SLC25A18: variants seen among roughly 807,000 people sequenced by gnomAD.
The protein encoded by SLC25A18 is mitochondrial glutamate carrier 2.
SLC25A18 carries 24 observed loss-of-function variants against 31.1 expected under a neutral mutation model. That is an observed-to-expected ratio of 0.77 (90% CI 0.56 to 1.08). The LOEUF is 1.08. Ranked by LOEUF, SLC25A18 falls within the 50% of genes least tolerant of loss-of-function variation. SLC25A18 has a pLI of 0.00. For missense variants in SLC25A18, 371 were observed against 418.5 expected (o/e 0.89, Z 0.99); for synonymous variants, 173 against 161.9 (o/e 1.07, Z -0.52).
chr22:17,566,212 T>A (rs773803046), intron 1 of SLC25A18, among the ~76,000 whole-genome samples: 9 of 152,178 alleles, frequency 5.9e-5, no homozygotes, highest in South Asian at 2.1e-4. Context: ...TCATGTCAGC[T>A]GCCAAACTTC....
At chr22:17,589,694 G>A in intron 10 of SLC25A18, 29 bp downstream of exon 10, 10 of 1,608,628 alleles carry the variant, frequency 6.2e-6, no homozygotes, top group Non-Finnish European at 8.5e-6. Context: ...TCAAATGGTG[G>A]CTGGGACAGG....
At chr22:17,568,366 CAAA>C (rs778315853) in intron 1 of SLC25A18, among the ~76,000 whole-genome samples, 4 of 67,654 alleles carry the variant, frequency 5.9e-5, no homozygotes, top group Admixed American at 3.6e-4. Flanking sequence ...GACTCCATCT[CAAA>C]AAAAAAAAAA....
intron 1 of SLC25A18, among the ~76,000 whole-genome samples, chr22:17,568,876 GA>G (rs1200566404): frequency 1.3e-5 from 2 of 150,884 alleles, no homozygotes; most frequent in Admixed American, 6.6e-5. Context: ...AAAGTACATT[GA>G]TTTTTTTTAT....
At chr22:17,566,394 C>G (rs2056937459) in intron 1 of SLC25A18, among the ~76,000 whole-genome samples, 1 of 151,966 alleles carries the variant, frequency 6.6e-6, no homozygotes, top group African/African-American at 2.4e-5. Context: ...TCTCTTCCCT[C>G]CTGTGAGCAG....
At chr22:17,573,581 C>T (rs1010183807) in intron 2 of SLC25A18, among the ~76,000 whole-genome samples, 3 of 152,126 alleles carry the variant, frequency 2.0e-5, no homozygotes, top group African/African-American at 7.2e-5. Flanking sequence ...TCTGTCAAGC[C>T]GGTGTGCCTG....
intron 7 of SLC25A18, among the ~76,000 whole-genome samples, chr22:17,584,792 A>G (rs1208521929): frequency 1.3e-5 from 2 of 151,028 alleles, no homozygotes; most frequent in African/African-American, 4.9e-5. Context: ...AAAAAAAAAA[A>G]AAAAAAAAAA....
chr22:17,587,337 C>A (rs202181366), intron 8 of SLC25A18, 36 bp downstream of exon 8: 3 of 1,579,096 alleles, frequency 1.9e-6, no homozygotes, highest in African/African-American at 2.7e-5. Flanking sequence ...GACAAGTGCA[C>A]GGGGGAGGGC....
chr22:17,582,632 G>A lies in SLC25A18; in HGVS notation c.269G>A (p.Arg90Gln), dbSNP rs763263073. 6.2e-6 allele frequency: 10 copies of A among 1,603,858 alleles called. No homozygotes were observed. The highest frequency in any genetic ancestry group is 1.1e-5 in the South Asian group (1 of 89,058). Residue 90 changes from arginine (R) to glutamine (Q), a missense_variant, in exon 6 of 11, where the codon CGG (arginine) becomes CAG (glutamine). Arg to Gln is a conservative substitution (Grantham distance 43). Transcript: ENST00000327451. ...AIKLAANDFFRRLLMEDGMQR... is the reference protein window; with the variant it reads ...AIKLAANDFFQRLLMEDGMQR... ...AAGCTGGCGGCCAACGACTTTTTCC[G>A]GCGGCTGCTCATGGAAGATGGGTAT...
intron 8 of SLC25A18, among the ~76,000 whole-genome samples, chr22:17,587,502 G>A (rs887636376): frequency 3.9e-5 from 6 of 152,168 alleles, no homozygotes; most frequent in South Asian, 2.1e-4. Context: ...GTTTTAGGCC[G>A]CTTGCATAGT....
At chr22:17,583,348 A>G (rs2057432870) in intron 6 of SLC25A18, 68 bp from the exon 7 acceptor site, 2 of 1,591,558 alleles carry the variant, frequency 1.3e-6, no homozygotes, top group Admixed American at 3.5e-5. Flanking sequence ...CCCCTCTCAC[A>G]AGAGGGCAGC....
chr22:17,586,135 C>T (rs2057543151), intron 7 of SLC25A18, among the ~76,000 whole-genome samples: 1 of 152,192 alleles, frequency 6.6e-6, no homozygotes, highest in Admixed American at 6.5e-5. Flanking sequence ...TGAGGGAGAC[C>T]ATTCCATCCT....
At chr22:17,575,897 C>T (rs193079467) in intron 2 of SLC25A18, among the ~76,000 whole-genome samples, 11 of 152,310 alleles carry the variant, frequency 7.2e-5, no homozygotes, top group South Asian at 2.1e-4. Flanking sequence ...CATCCCAAGG[C>T]GGTGACAGGG....
intron 5 of SLC25A18, 105 bp downstream of exon 5, chr22:17,581,518 C>T: frequency 7.7e-7 from 1 of 1,293,954 alleles, no homozygotes; most frequent in Non-Finnish European, 1.1e-6. Context: ...CCAGGGCTGC[C>T]AGGGGGTCCT....
rs995722277 is a variant in SLC25A18 at position 17,569,154 on chromosome 22, G to A, written c.-263-770G>A. 1.4e-4 allele frequency among the ~76,000 whole-genome samples: 22 copies of A among 151,760 alleles called. No individual in the cohort carries two copies. The East Asian group carries it at 3.7e-3, about 26-fold the overall frequency. On this transcript the variant is annotated intron_variant, in intron 1 of 10. Coordinates refer to ENST00000327451, the MANE Select transcript of SLC25A18 (RefSeq NM_031481.3). ...ATCCCGAGTAGCTGGGACTACAGGC[G>A]CCCGCCACCACGCCCAGCTAATTTT...
Position 17,587,300 on chromosome 22 carries a change from A to C in SLC25A18, c.574A>C (p.Arg192=). 6.2e-7 allele frequency: 1 copy of C among 1,609,820 alleles called. No individual in the cohort carries two copies. ...LYRGLGATLL[R]DIPFSIIYFP... ...CAGGGGCCTGGGTGCCACTCTCCTCAGGTGAGCCTTTCTTCCGGTTCCCTA... is the reference window on the plus strand; with the variant it reads ...CAGGGGCCTGGGTGCCACTCTCCTCCGGTGAGCCTTTCTTCCGGTTCCCTA... Residue 192 remains arginine, a splice_region_variant and synonymous_variant, in exon 8 of 11, where the codon AGA becomes CGA. Transcript: ENST00000327451.
chr22:17,586,255 C>T (rs1310994190), intron 7 of SLC25A18, among the ~76,000 whole-genome samples: 1 of 152,200 alleles, frequency 6.6e-6, no homozygotes, highest in African/African-American at 2.4e-5. Context: ...TGGCTCACGC[C>T]TGTAATCCCA....
intron 2 of SLC25A18, among the ~76,000 whole-genome samples, chr22:17,572,710 C>T (rs975362748): frequency 3.9e-5 from 5 of 129,418 alleles, no homozygotes; most frequent in Admixed American, 7.9e-5. Context: ...GGCGCGATCT[C>T]GGCTCACTGC....
chr22:17,582,938 A>G (rs1337119125), intron 6 of SLC25A18, among the ~76,000 whole-genome samples: 2 of 152,158 alleles, frequency 1.3e-5, no homozygotes, highest in African/African-American at 4.8e-5. Flanking sequence ...AGCTGGCTGC[A>G]GTGGCTCATG....
intron 1 of SLC25A18, among the ~76,000 whole-genome samples, chr22:17,566,938 A>G (rs1302392502): frequency 6.6e-6 from 1 of 152,204 alleles, no homozygotes; most frequent in Non-Finnish European, 1.5e-5. Context: ...AGGCAGGCAG[A>G]TGGCTTGAGG....
Sources: gnomAD v4.1 joint callset for allele counts (sites outside exome capture counted in the v4.1 genomes callset) on GRCh38, gnomAD v4.1.1 for gene constraint, MANE v1.5 for transcripts, NCBI Gene and HGNC (gene_info 2026-07-23, HGNC 2026-07-21) for gene names.